CDC42EP3: variants seen among roughly 807,000 people sequenced by gnomAD.
CDC42EP3 encodes the protein CDC42 effector protein (Rho GTPase binding) 3.
A neutral mutation model predicts 15.5 loss-of-function variants in CDC42EP3; 4 were observed. The observed-to-expected ratio is 0.26, with a 90% confidence interval of 0.13 to 0.59. CDC42EP3 has a LOEUF of 0.59. Among genes scored for constraint, CDC42EP3 ranks in the 20% least tolerant of loss-of-function variants. The pLI is 0.89. For synonymous variants in CDC42EP3, 145 were observed against 130.3 expected (o/e 1.11, Z -0.77); for missense variants, 309 against 311.2 (o/e 0.99, Z 0.05).
intron 1 of CDC42EP3, among the ~76,000 whole-genome samples, chr2:37,652,124 A>G (rs750392083): frequency 8.3e-5 from 12 of 144,416 alleles, no homozygotes; most frequent in Admixed American, 3.6e-4. Context: ...GCAGTGAGCC[A>G]AGATCGTGCC....
rs190490299 is a variant in CDC42EP3, at chr2:37,666,683, T to A, written c.-236+4743A>T. Among the ~76,000 whole-genome samples the A allele has an allele frequency of 2.1e-3, 325 of 152,340 alleles. 3 individuals carry two copies. The highest frequency in any genetic ancestry group is 7.1e-3 in the African/African-American group (295 of 41,566). On this transcript the variant is annotated intron_variant, in intron 1 of 1. Transcript: ENST00000295324. ...AATAGTAATCTTTTAAATCTCAGCA[T>A]CATGCTTTGTATTATAAAACTGTAT...
intron 1 of CDC42EP3, among the ~76,000 whole-genome samples, chr2:37,668,869 C>G (rs984865726): frequency 6.6e-6 from 1 of 152,142 alleles, no homozygotes; most frequent in Non-Finnish European, 1.5e-5. Context: ...ATGAACAATG[C>G]AATATATTAG....
Position 37,671,446 on chromosome 2 carries a change from A to G in CDC42EP3, c.-256T>C, listed in dbSNP as rs1004266927. 1.3e-5 allele frequency: 2 copies of G among 152,962 alleles called. No homozygotes were observed. The highest frequency in any genetic ancestry group is 2.4e-5 in the African/African-American group (1 of 41,454). The allele number at this position is 152,962 out of a possible 1,614,324, so 9.5% of individuals were successfully genotyped here. On this transcript the variant is annotated 5_prime_UTR_variant, in exon 1 of 2. Transcript: ENST00000295324. ...CTCACCGGCCGCCGCTGAGGATCCCAGCCGCTGCCCCGGGCCTCCCGCGGG... is the reference window on the plus strand; with the variant it reads ...CTCACCGGCCGCCGCTGAGGATCCCGGCCGCTGCCCCGGGCCTCCCGCGGG...
intron 1 of CDC42EP3, among the ~76,000 whole-genome samples, chr2:37,666,408 G>A (rs1266049625): frequency 6.6e-6 from 1 of 152,166 alleles, no homozygotes; most frequent in Non-Finnish European, 1.5e-5. Context: ...ACTTTAGGCG[G>A]TACCCTGTTA....
chr2:37,666,930 GAGA>G (rs999628887), intron 1 of CDC42EP3, among the ~76,000 whole-genome samples: 7 of 152,236 alleles, frequency 4.6e-5, no homozygotes, highest in African/African-American at 1.7e-4. Context: ...GTGGGGACAG[GAGA>G]AGATTTCAAA....
intron 1 of CDC42EP3, among the ~76,000 whole-genome samples, chr2:37,656,839 GAGA>G (rs773064782): frequency 5.3e-5 from 8 of 152,240 alleles, no homozygotes; most frequent in South Asian, 2.1e-4. Context: ...AGCCAAAAAT[GAGA>G]AGAAGGGTCC....
chr2:37,666,812 G>A lies in CDC42EP3; in HGVS notation c.-236+4614C>T, dbSNP rs1047894060. ...GGCACTGAAGTATATCAAGGAGAAAGCTTTTTTTTTTTTTTAAGGAAAGAA... is the reference window on the plus strand; with the variant it reads ...GGCACTGAAGTATATCAAGGAGAAAACTTTTTTTTTTTTTTAAGGAAAGAA... On this transcript the variant is annotated intron_variant, in intron 1 of 1. Coordinates refer to ENST00000295324, the MANE Select transcript of CDC42EP3 (RefSeq NM_006449.5). Among the ~76,000 whole-genome samples, 21 of 57,662 alleles carry A rather than the reference G, an allele frequency of 3.6e-4. No homozygotes were observed. In the East Asian group the frequency reaches 0.016, roughly 43 times the overall value. 37.8% of individuals were successfully genotyped at this position (57,662 alleles called of 152,430 possible).
At chr2:37,657,001 C>CCCACCG (rs1208218676) in intron 1 of CDC42EP3, among the ~76,000 whole-genome samples, 1 of 103,212 alleles carries the variant, frequency 9.7e-6, no homozygotes, top group African/African-American at 4.3e-5. Flanking sequence ...CCCCCCGCCC[C>CCCACCG]CCGCCATCCT....
At chr2:37,664,153 G>A (rs533465064) in intron 1 of CDC42EP3, among the ~76,000 whole-genome samples, 3 of 152,224 alleles carry the variant, frequency 2.0e-5, no homozygotes, top group Admixed American at 6.5e-5. Flanking sequence ...CAGCCTGGGC[G>A]ACAGAGTGAG....
At chr2:37,649,626 G>C (rs999473907) in intron 1 of CDC42EP3, among the ~76,000 whole-genome samples, 1 of 152,008 alleles carries the variant, frequency 6.6e-6, no homozygotes, top group African/African-American at 2.4e-5. Flanking sequence ...GTGCAGGGGA[G>C]GGAGGGCCCA....
At position 37,643,656 on chromosome 2, in the gene CDC42EP3, A is replaced by C. The variant is rs1194913575; in HGVS notation, c.*2167T>G. On this transcript the variant is annotated 3_prime_UTR_variant, in exon 2 of 2. Transcript: ENST00000295324. ...TGAGGTCACGCTACAGATGAAGAGT[A>C]AAATGAAAGACTGAATATGATCAAT... The C allele has an allele frequency of 6.6e-6, 1 of 152,252 alleles. No homozygotes were observed. The highest frequency in any genetic ancestry group is 6.5e-5 in the Admixed American group (1 of 15,288). The allele number at this position is 152,252 out of a possible 1,614,324, so 9.4% of individuals were successfully genotyped here.
At position 37,642,380 on chromosome 2, in the gene CDC42EP3, A is replaced by C. The variant is rs1665296946; in HGVS notation, c.*3443T>G. 1 of 152,232 alleles carries C rather than the reference A, an allele frequency of 6.6e-6. No individual in the cohort carries two copies. The highest frequency in any genetic ancestry group is 2.1e-4 in the South Asian group (1 of 4,832). The allele number at this position is 152,232 out of a possible 1,614,324, so 9.4% of individuals were successfully genotyped here. On this transcript the variant is annotated 3_prime_UTR_variant, in exon 2 of 2. Coordinates refer to ENST00000295324, the MANE Select transcript of CDC42EP3 (RefSeq NM_006449.5). ...GGTTGATGGTGGCTTATCATTTGGC[A>C]TCTGGAAACTTCTCTTATTTTGCTG...
chr2:37,664,172 TCAAAA>T (rs570024068), intron 1 of CDC42EP3, among the ~76,000 whole-genome samples: 27 of 152,076 alleles, frequency 1.8e-4, no homozygotes, highest in African/African-American at 6.0e-4. Context: ...AGACTCCATC[TCAAAA>T]CAAAACAAAA....
At position 37,645,043 on chromosome 2, in the gene CDC42EP3, C is replaced by CT. The variant is rs1184284473; in HGVS notation, c.*779dup. ...ATGATAACAGATGAAGAAAAAAAAA[C>CT]TAAGTATGAATACACTTTTCCAAAC... On this transcript the variant is annotated 3_prime_UTR_variant, in exon 2 of 2. Transcript: ENST00000295324. 1 of 151,972 alleles carries CT rather than the reference C, an allele frequency of 6.6e-6. No individual in the cohort carries two copies. Among genetic ancestry groups the CT allele is most frequent in the African/African-American group, 2.4e-5 (1 of 41,324 alleles). 9.4% of individuals were successfully genotyped at this position (151,972 alleles called of 1,614,324 possible). A position where few individuals can be genotyped will look rare whatever the true frequency, so the allele number is the denominator to read the frequency against.
At chr2:37,672,369 C>G (rs2124645325), upstream of CDC42EP3, 1 of 152,360 alleles carries the variant, frequency 6.6e-6, no homozygotes, top group East Asian at 1.9e-4. Context: ...GGAGGCGTTT[C>G]TTCTCCCTCA....
At chr2:37,655,482 G>C (rs1022199729) in intron 1 of CDC42EP3, among the ~76,000 whole-genome samples, 2 of 152,172 alleles carry the variant, frequency 1.3e-5, no homozygotes, top group African/African-American at 4.8e-5. Flanking sequence ...CTTTTGAACA[G>C]AGGCCATTAG....
intron 1 of CDC42EP3, among the ~76,000 whole-genome samples, chr2:37,654,355 G>C (rs1258738727): frequency 6.6e-6 from 1 of 152,160 alleles, no homozygotes; most frequent in Non-Finnish European, 1.5e-5. Flanking sequence ...AAGGAATAGA[G>C]CAGCTTAAAG....
chr2:37,664,615 G>C (rs10186013), intron 1 of CDC42EP3, among the ~76,000 whole-genome samples: 95,744 of 152,092 alleles, frequency 0.63, 31,109 homozygotes, highest in African/African-American at 0.78. Context: ...ATATGCTACA[G>C]AAAGAATCAG....
At chr2:37,655,519 A>AT (rs1256973746) in intron 1 of CDC42EP3, among the ~76,000 whole-genome samples, 5 of 152,224 alleles carry the variant, frequency 3.3e-5, no homozygotes, top group Non-Finnish European at 7.3e-5. Context: ...AAAATGAGTT[A>AT]CTGGGGAAGA....
Sources: allele counts gnomAD v4.1 joint callset (sites outside exome capture counted in the v4.1 genomes callset), GRCh38; gene constraint gnomAD v4.1.1; transcripts MANE v1.5; gene names NCBI Gene and HGNC (gene_info 2026-07-23, HGNC 2026-07-21).